Variants in LAMA4 observed in about 807,000 individuals in gnomAD.
LAMA4 encodes laminin subunit alpha 4.
In LAMA4, 127 loss-of-function variants were observed where a neutral mutation model predicts 207.1. That is an observed-to-expected ratio of 0.61 (90% CI 0.53 to 0.71). The LOEUF is 0.71. Ranked by LOEUF, LAMA4 falls within the 30% of genes least tolerant of loss-of-function variation. The probability of loss-of-function intolerance (pLI) is 0.00; values close to 1 mark genes in which losing one functional copy is unlikely to be tolerated. For missense variants in LAMA4, 2,093 were observed against 2,246.5 expected, an observed-to-expected ratio of 0.93 and a Z score of 1.38; for synonymous variants, 761 against 816.0, an observed-to-expected ratio of 0.93 and a Z score of 1.15.
At position 112,254,241 on chromosome 6, in the gene LAMA4, T is replaced by C. The variant is rs1787699926; in HGVS notation, c.-91A>G. The C allele has an allele frequency of 2.0e-6, 3 of 1,523,510 alleles. No individual in the cohort carries two copies. The East Asian group carries it at 6.8e-5, about 35-fold the overall frequency. The allele number at this position is 1,523,510 out of a possible 1,614,324, so 94.4% of individuals were successfully genotyped here. The stretch of plus-strand genomic sequence containing the variant: ...GCGTGGTGCGGCGGTGCCTCGCTTA[T>C]TTTCCCTCCTCTCCGTGTGCAGTAT... On this transcript the variant is annotated 5_prime_UTR_variant, in exon 2 of 39. Coordinates refer to ENST00000230538, the MANE Select transcript of LAMA4 (RefSeq NM_001105206.3).
intron 4 of LAMA4, among the ~76,000 whole-genome samples, chr6:112,203,213 G>C (rs561098691): frequency 6.6e-6 from 1 of 152,298 alleles, no homozygotes; most frequent in African/African-American, 2.4e-5. Flanking sequence ...TGTAACCACT[G>C]TGGTGCCCAT....
intron 2 of LAMA4, among the ~76,000 whole-genome samples, chr6:112,224,210 T>C (rs1226624547): frequency 7.2e-5 from 11 of 152,244 alleles, no homozygotes; most frequent in African/African-American, 2.4e-4. Flanking sequence ...TGGGCTCAGA[T>C]CCAAGAATAT....
At chr6:112,249,358 G>A (rs1210141244) in intron 2 of LAMA4, among the ~76,000 whole-genome samples, 5 of 143,650 alleles carry the variant, frequency 3.5e-5, no homozygotes, top group South Asian at 2.2e-4. Context: ...CAGGGGAATC[G>A]CTTTAACTCA....
At chr6:112,158,057 C>G (rs1780825584) in intron 14 of LAMA4, 1 of 152,306 alleles carries the variant, frequency 6.6e-6, no homozygotes, top group South Asian at 2.1e-4. Context: ...CTATAATGAT[C>G]TCATTATTTG....
intron 3 of LAMA4, among the ~76,000 whole-genome samples, chr6:112,207,948 C>T (rs1164449646): frequency 6.6e-6 from 1 of 152,206 alleles, no homozygotes; most frequent in Non-Finnish European, 1.5e-5. Flanking sequence ...AACTCTGTGT[C>T]TTTCAGCACT....
At chr6:112,156,674 C>A (rs1037172989) in intron 14 of LAMA4, among the ~76,000 whole-genome samples, 1 of 152,116 alleles carries the variant, frequency 6.6e-6, no homozygotes, top group Non-Finnish European at 1.5e-5. Context: ...TTGTCAGTAA[C>A]TTCCAGAAGG....
chr6:112,165,212 T>A lies in LAMA4; in HGVS notation c.1616A>T (p.Asp539Val), dbSNP rs1781313669. 1 of 1,613,614 alleles carries A rather than the reference T, an allele frequency of 6.2e-7. No individual in the cohort carries two copies. Among genetic ancestry groups the A allele is most frequent in the African/African-American group, 1.3e-5 (1 of 74,914 alleles). The change falls in exon 13 of 39, where the codon GAC (aspartate) becomes GTC (valine). Residue 539 changes from aspartate to valine, a missense_variant. By Grantham distance (152) the Asp-to-Val change is radical. This residue lies in a region of LAMA4 where 1,704 missense variants were observed against 1,788.4 expected (regional missense o/e 0.95). Coordinates refer to ENST00000230538, the MANE Select transcript of LAMA4 (RefSeq NM_001105206.3). ...AGTTAGACGAGGTGTTGTCAGAGAGTCCGCAGATGTGCTCAGAGACATGTT... is the reference window on the plus strand; with the variant it reads ...AGTTAGACGAGGTGTTGTCAGAGAGACCGCAGATGTGCTCAGAGACATGTT... ...VVNMSLSTSADSLTTPRLTLS... is the reference protein window; with the variant it reads ...VVNMSLSTSAVSLTTPRLTLS...
intron 11 of LAMA4, among the ~76,000 whole-genome samples, chr6:112,173,550 G>A (rs1323768744): frequency 1.3e-5 from 2 of 152,154 alleles, no homozygotes; most frequent in Non-Finnish European, 2.9e-5. Context: ...CTTCTCCAGG[G>A]AAGTCTTGTT....
intron 2 of LAMA4, among the ~76,000 whole-genome samples, chr6:112,226,446 A>C (rs1418414375): frequency 6.6e-6 from 1 of 151,994 alleles, no homozygotes; most frequent in Non-Finnish European, 1.5e-5. Context: ...GAGGCCTGGG[A>C]TGTCTTTCCC....
chr6:112,215,153 G>C (rs958613083), intron 3 of LAMA4, among the ~76,000 whole-genome samples: 1 of 152,232 alleles, frequency 6.6e-6, no homozygotes, highest in Non-Finnish European at 1.5e-5. Flanking sequence ...GGAAGCATTA[G>C]AAAGGAGTAG....
At chr6:112,143,372 T>C (rs60600759) in intron 19 of LAMA4, among the ~76,000 whole-genome samples, 43,388 of 149,074 alleles carry the variant, frequency 0.29, 6,551 homozygotes, top group African/African-American at 0.39. Flanking sequence ...GCAACCTCCA[T>C]CTCCCAGGTT....
chr6:112,226,131 T>A (rs1038341603), intron 2 of LAMA4, among the ~76,000 whole-genome samples: 7 of 152,144 alleles, frequency 4.6e-5, no homozygotes, highest in African/African-American at 1.7e-4. Context: ...ATAATTATAA[T>A]TCTCTCCACT....
In LAMA4 at chr6:112,114,199, A is replaced by C. The variant is rs1226909040; in HGVS notation, c.5207-4T>G. 6.2e-6 allele frequency: 10 copies of C among 1,613,654 alleles called. No individual in the cohort carries two copies. In the Admixed American group the frequency reaches 1.7e-4, roughly 27 times the overall value. ...ACCACATTAGAATCTCTAATAACTG[A>C]AATGCAGGGCAAAGACTGGTCATAA... On this transcript the variant is annotated splice_polypyrimidine_tract_variant and splice_region_variant and intron_variant, in intron 37 of 38. Coordinates refer to ENST00000230538, the MANE Select transcript of LAMA4 (RefSeq NM_001105206.3).
chr6:112,231,853 C>T (rs150802907), intron 2 of LAMA4, among the ~76,000 whole-genome samples: 117 of 152,306 alleles, frequency 7.7e-4, no homozygotes, highest in African/African-American at 2.6e-3. Flanking sequence ...TCCTTCAACA[C>T]TAAGGAAGGC....
At chr6:112,196,566 T>G (rs7758871) in intron 5 of LAMA4, 39,061 of 152,114 alleles carry the variant, frequency 0.26, 7,315 homozygotes, top group African/African-American at 0.52. Flanking sequence ...AAAATGTTCT[T>G]AGTTGTTCCT....
intron 4 of LAMA4, among the ~76,000 whole-genome samples, chr6:112,205,618 G>A (rs782626688): frequency 1.3e-5 from 2 of 152,076 alleles, no homozygotes; most frequent in African/African-American, 2.4e-5. Flanking sequence ...TGTAATTCTT[G>A]GAATTTCCTG....
At chr6:112,190,430 T>C (rs1554348194) in intron 6 of LAMA4, among the ~76,000 whole-genome samples, 1 of 152,208 alleles carries the variant, frequency 6.6e-6, no homozygotes, top group African/African-American at 2.4e-5. Flanking sequence ...TTAAAACTCC[T>C]TACTCCTTGA....
intron 14 of LAMA4, 173 bp from the exon 15 acceptor site, chr6:112,155,879 T>C (rs572568727): frequency 1.5e-4 from 109 of 716,856 alleles, no homozygotes; most frequent in Non-Finnish European, 2.3e-4. Context: ...TGCATTCTTC[T>C]GTCTTTGCTG....
At chr6:112,239,864 ACAC>A (rs1786257019) in intron 2 of LAMA4, among the ~76,000 whole-genome samples, 1 of 152,024 alleles carries the variant, frequency 6.6e-6, no homozygotes, top group South Asian at 2.1e-4. Context: ...GAGATTGAGA[ACAC>A]CCTGGCTAAC....
Sources: gnomAD v4.1 joint callset for allele counts (sites outside exome capture counted in the v4.1 genomes callset) on GRCh38, gnomAD v4.1.1 for gene constraint, gnomAD v4.1.1 regional missense constraint, MANE v1.5 for transcripts, NCBI Gene and HGNC (gene_info 2026-07-23, HGNC 2026-07-21) for gene names.